ASIC5: variants seen among roughly 807,000 people sequenced by gnomAD.
The protein encoded by ASIC5 is acid sensing ion channel subunit family member 5, also known as bile acid-sensitive ion channel.
ASIC5 carries 52 observed loss-of-function variants against 51.2 expected under a neutral mutation model. That is an observed-to-expected ratio of 1.02 (90% CI 0.81 to 1.28). The LOEUF (loss-of-function observed/expected upper bound fraction) is 1.28. Ranked by LOEUF, ASIC5 falls within the 50% of genes most tolerant of loss-of-function variation. ASIC5 has a pLI of 0.00. For synonymous variants in ASIC5, 231 were observed against 200.7 expected, an observed-to-expected ratio of 1.15 and a Z score of -1.28; for missense variants, 635 against 595.0, an observed-to-expected ratio of 1.07 and a Z score of -0.70.
In ASIC5 at chr4:155,863,527, A is replaced by T; in HGVS notation, c.268T>A (p.Trp90Arg). Residue 90 changes from tryptophan to arginine, a missense_variant, in exon 2 of 10, where the codon TGG (tryptophan) becomes AGG (arginine). Physicochemically the swap from Trp to Arg is moderately radical, Grantham distance 101. Coordinates refer to ENST00000537611, the MANE Select transcript of ASIC5 (RefSeq NM_017419.3). ...IYIRLLNYFT[W>R]PTTTSIEVQY... ...ACCTCAATGGACGTTGTGGTTGGCCATGTGAAGTAGTTGAGCAAGCGAATG... is the reference window on the plus strand; with the variant it reads ...ACCTCAATGGACGTTGTGGTTGGCCTTGTGAAGTAGTTGAGCAAGCGAATG... The T allele has an allele frequency of 1.2e-6, 2 of 1,613,816 alleles. No individual in the cohort carries two copies. The highest frequency in any genetic ancestry group is 1.7e-6 in the Non-Finnish European group (2 of 1,179,878).
At chr4:155,841,475 T>G (rs988887490) in intron 6 of ASIC5, among the ~76,000 whole-genome samples, 1 of 152,072 alleles carries the variant, frequency 6.6e-6, no homozygotes, top group Non-Finnish European at 1.5e-5. Context: ...GGGGAGAAAT[T>G]GTAGAGCCGA....
intron 8 of ASIC5, among the ~76,000 whole-genome samples, chr4:155,836,288 C>T (rs750576072): frequency 6.6e-6 from 1 of 152,194 alleles, no homozygotes; most frequent in Non-Finnish European, 1.5e-5. Flanking sequence ...CTTCAGTTTC[C>T]TCTTCTGTAA....
Position 155,842,385 on chromosome 4 carries a change from G to A in ASIC5, c.862-31C>T, listed in dbSNP as rs1355675551. On this transcript the variant is annotated intron_variant, in intron 5 of 9. Coordinates refer to ENST00000537611, the MANE Select transcript of ASIC5 (RefSeq NM_017419.3). ...GATAAGATAAATACTGGGTTCAGGAGATGTGTTTACATCAATTCACTTATT... is the reference window on the plus strand; with the variant it reads ...GATAAGATAAATACTGGGTTCAGGAAATGTGTTTACATCAATTCACTTATT... 39 of 1,559,714 alleles carry A rather than the reference G, an allele frequency of 2.5e-5. 1 individual carries two copies. The East Asian group carries it at 8.2e-4, about 33-fold the overall frequency.
chr4:155,850,827 C>CT (rs1659818974), intron 4 of ASIC5, among the ~76,000 whole-genome samples: 2 of 151,848 alleles, frequency 1.3e-5, no homozygotes, highest in African/African-American at 4.8e-5. Flanking sequence ...CACTAATGTT[C>CT]TTTTTAATAA....
intron 7 of ASIC5, 106 bp downstream of exon 7, chr4:155,838,707 A>T: frequency 1.5e-6 from 1 of 679,340 alleles, no homozygotes; most frequent in South Asian, 1.9e-5. Context: ...CTTATATACT[A>T]TATTCTGTTT....
chr4:155,850,423 C>A (rs527294607), intron 4 of ASIC5, among the ~76,000 whole-genome samples: 1 of 152,062 alleles, frequency 6.6e-6, no homozygotes, highest in East Asian at 1.9e-4. Flanking sequence ...CAAGTTGTGC[C>A]CTGACTACCC....
intron 9 of ASIC5, 63 bp downstream of exon 9, chr4:155,831,761 G>T: frequency 9.0e-7 from 1 of 1,112,526 alleles, no homozygotes; most frequent in East Asian, 2.5e-5. Flanking sequence ...GCTACAGAGC[G>T]AGATTCTGTC....
intron 2 of ASIC5, among the ~76,000 whole-genome samples, chr4:155,858,042 C>T (rs1741590255): frequency 6.6e-6 from 1 of 152,072 alleles, no homozygotes; most frequent in African/African-American, 2.4e-5. Context: ...GTAGTCACTA[C>T]ATCCAATTAT....
intron 9 of ASIC5, among the ~76,000 whole-genome samples, chr4:155,830,819 A>C (rs1740856165): frequency 1.3e-5 from 2 of 152,192 alleles, no homozygotes; most frequent in African/African-American, 4.8e-5. Context: ...TGATTACTCC[A>C]GCAGTGCTTT....
intron 6 of ASIC5, 33 bp downstream of exon 6, chr4:155,842,174 A>G: frequency 6.2e-7 from 1 of 1,602,742 alleles, no homozygotes; most frequent in Non-Finnish European, 8.5e-7. Flanking sequence ...TTAACTGTCT[A>G]GTTAAGTAAG....
At chr4:155,832,011 C>T (rs939770889) in intron 8 of ASIC5, 96 bp from the exon 9 acceptor site, 4 of 629,092 alleles carry the variant, frequency 6.4e-6, no homozygotes, top group Non-Finnish European at 8.3e-6. Flanking sequence ...GTTTTATATG[C>T]TATTTAATGT....
chr4:155,860,987 T>G (rs1741688400), intron 2 of ASIC5, among the ~76,000 whole-genome samples: 1 of 151,974 alleles, frequency 6.6e-6, no homozygotes, highest in South Asian at 2.1e-4. Flanking sequence ...TTTTCTATTT[T>G]TTTTGTGATT....
In ASIC5 at chr4:155,863,759, A is replaced by C. The variant is rs1741786001; in HGVS notation, c.41-5T>G. The C allele has an allele frequency of 1.3e-5, 21 of 1,601,012 alleles. No homozygotes were observed. The highest frequency in any genetic ancestry group is 1.8e-5 in the Non-Finnish European group (21 of 1,173,772). ...GCTTTATCTTTTCTAAGAGTCCTTA[A>C]GGTTTTGCCCATAAAATGATTAAAC... On this transcript the variant is annotated splice_region_variant and splice_polypyrimidine_tract_variant and intron_variant, in intron 1 of 9. Coordinates refer to ENST00000537611, the MANE Select transcript of ASIC5 (RefSeq NM_017419.3).
At chr4:155,853,737 T>C (rs1415216703) in intron 3 of ASIC5, among the ~76,000 whole-genome samples, 3 of 151,618 alleles carry the variant, frequency 2.0e-5, no homozygotes, top group Non-Finnish European at 4.4e-5. Flanking sequence ...ATTTGGTGAT[T>C]ATAAAAATAC....
intron 9 of ASIC5, 33 bp downstream of exon 9, chr4:155,831,790 TA>T: frequency 1.5e-6 from 2 of 1,295,616 alleles, no homozygotes; most frequent in Non-Finnish European, 2.2e-6. Context: ...AATAAGTAAA[TA>T]AATAAAATAA....
intron 9 of ASIC5, among the ~76,000 whole-genome samples, chr4:155,831,239 CAA>C (rs1284409404): frequency 6.6e-6 from 1 of 152,082 alleles, no homozygotes; most frequent in Non-Finnish European, 1.5e-5. Flanking sequence ...AAACATTCTA[CAA>C]AGTCACTTGA....
At chr4:155,863,415 G>C in intron 2 of ASIC5, 33 bp downstream of exon 2, 1 of 1,503,374 alleles carries the variant, frequency 6.7e-7, no homozygotes, top group Non-Finnish European at 9.1e-7. Context: ...CAAATTTATA[G>C]GAACTAATTA....
chr4:155,843,819 A>G lies in ASIC5; in HGVS notation c.723T>C (p.Thr241=), dbSNP rs766636773. The G allele has an allele frequency of 3.7e-6, 6 of 1,613,496 alleles. No individual in the cohort carries two copies. Among genetic ancestry groups the G allele is most frequent in the Admixed American group, 1.7e-5 (1 of 59,924 alleles). Residue 241 remains threonine, a synonymous_variant, in exon 5 of 10, where the codon ACT becomes ACC. Transcript: ENST00000537611. ...LLFNVNQEAF[T]DNPALGFVDA... The stretch of plus-strand genomic sequence containing the variant: ...CAACGAAACCAAGGGCTGGGTTATC[A>G]GTGAATGCCTCCTGAAACAAAAATA...
intron 1 of ASIC5, chr4:155,865,216 C>T (rs1304585374): frequency 6.6e-6 from 1 of 151,768 alleles, no homozygotes; most frequent in African/African-American, 2.4e-5. Context: ...ATATGATTAG[C>T]TTGAAGTTGG....
Sources: gnomAD v4.1 joint callset for allele counts (sites outside exome capture counted in the v4.1 genomes callset) on GRCh38, gnomAD v4.1.1 for gene constraint, MANE v1.5 for transcripts, NCBI Gene and HGNC (gene_info 2026-07-23, HGNC 2026-07-21) for gene names.